Variants in NCOR1 observed in about 807,000 individuals in gnomAD.
NCOR1 encodes the protein nuclear receptor corepressor 1, also known as protein phosphatase 1, regulatory subunit 109.
In NCOR1, 63 loss-of-function variants were observed where a neutral mutation model predicts 288.1. That is an observed-to-expected ratio of 0.22 (90% CI 0.18 to 0.27). The LOEUF (loss-of-function observed/expected upper bound fraction) is 0.27. Ranked by LOEUF, NCOR1 falls within the 10% of genes least tolerant of loss-of-function variation. The pLI, the probability that NCOR1 is intolerant of heterozygous loss-of-function variation, is 1.00. For synonymous variants in NCOR1, 1,007 were observed against 1,065.9 expected, an observed-to-expected ratio of 0.94 and a Z score of 1.08; for missense variants, 2,397 against 3,019.2, an observed-to-expected ratio of 0.79 and a Z score of 4.83.
chr17:16,079,805 T>C (rs1401807236), intron 26 of NCOR1, among the ~76,000 whole-genome samples, 159 bp downstream of exon 26: 2 of 152,220 alleles, frequency 1.3e-5, no homozygotes, highest in Admixed American at 6.5e-5. Context: ...ATGATCACAT[T>C]AACGTCTCTG....
At chr17:16,117,066 C>T (rs1162534747) in intron 18 of NCOR1, among the ~76,000 whole-genome samples, 1 of 152,188 alleles carries the variant, frequency 6.6e-6, no homozygotes, top group African/African-American at 2.4e-5. Flanking sequence ...TCTTTGACAA[C>T]CACTACACTG....
chr17:16,075,780 C>T lies in NCOR1; in HGVS notation c.3502-78G>A, dbSNP rs527242099. On this transcript the variant is annotated intron_variant, in intron 26 of 45. Coordinates refer to ENST00000268712, the MANE Select transcript of NCOR1 (RefSeq NM_006311.4). ...ACACAAGATGCTCAGAAAATTTAAC[C>T]TATGACAGAGTCAGGCTAATCTATA... is the stretch of plus-strand genomic sequence containing the variant. 5.3e-6 allele frequency: 8 copies of T among 1,518,274 alleles called. No individual in the cohort carries two copies. The African/African-American group carries it at 6.9e-5, about 13-fold the overall frequency. 94.1% of individuals were successfully genotyped at this position (1,518,274 alleles called of 1,614,324 possible). A position where few individuals can be genotyped will look rare whatever the true frequency, so the allele number is the denominator to read the frequency against.
chr17:16,205,859 C>A (rs965602748), intron 1 of NCOR1, among the ~76,000 whole-genome samples: 1 of 151,028 alleles, frequency 6.6e-6, no homozygotes, highest in African/African-American at 2.4e-5. Flanking sequence ...ATCGCTTGAA[C>A]CCAGGAGGCA....
chr17:16,161,079 G>A (rs2080750154), intron 5 of NCOR1, among the ~76,000 whole-genome samples: 1 of 152,022 alleles, frequency 6.6e-6, no homozygotes. Flanking sequence ...TTATGGTAAA[G>A]GGTTCTTCAA....
chr17:16,058,175 CCAAA>C (rs1424960640), intron 38 of NCOR1, 111 bp from the exon 39 acceptor site: 3 of 1,212,274 alleles, frequency 2.5e-6, no homozygotes, highest in Admixed American at 2.3e-5. Flanking sequence ...GTACATAGCT[CCAAA>C]CAAAGAACTT....
intron 19 of NCOR1, among the ~76,000 whole-genome samples, chr17:16,102,561 A>C (rs1338053716): frequency 6.6e-6 from 1 of 152,042 alleles, no homozygotes; most frequent in African/African-American, 2.4e-5. Context: ...CTAAATCTTC[A>C]AAATCTGGTG....
intron 14 of NCOR1, among the ~76,000 whole-genome samples, chr17:16,127,273 GTATA>G (rs1254799479): frequency 1.0e-5 from 1 of 98,682 alleles, no homozygotes; most frequent in Non-Finnish European, 2.2e-5. Flanking sequence ...ATATATGTAT[GTATA>G]TATACGTGTA....
At chr17:16,083,583 GT>G (rs74372157) in intron 23 of NCOR1, among the ~76,000 whole-genome samples, 2,353 of 133,800 alleles carry the variant, frequency 0.018, 38 homozygotes, top group African/African-American at 0.048. Flanking sequence ...GTGGTTCATG[GT>G]TTTTTTTTTT....
At position 16,126,097 on chromosome 17, in the gene NCOR1, T is replaced by A; in HGVS notation, c.1619A>T (p.Glu540Val). The change falls in exon 15 of 46, where the codon GAA becomes GTA. Residue 540 changes from glutamate to valine, a missense_variant. This residue lies in a region of NCOR1 where 113 missense variants were observed against 139.5 expected (regional missense o/e 0.81). Coordinates refer to ENST00000268712, the MANE Select transcript of NCOR1 (RefSeq NM_006311.4). Reference protein sequence around the residue: ...EEKKDEEEKDEKEDSKENTKE... With the variant: ...EEKKDEEEKDVKEDSKENTKE... ...TTTAACTCACTTGGAGTCTTCTTTTTCATCTTTTTCCTCTTCATCTTTCTT... is the reference window on the plus strand; with the variant it reads ...TTTAACTCACTTGGAGTCTTCTTTTACATCTTTTTCCTCTTCATCTTTCTT... 1 of 1,362,018 alleles carries A rather than the reference T, an allele frequency of 7.3e-7. No individual in the cohort carries two copies. Among genetic ancestry groups the A allele is most frequent in the Non-Finnish European group, 1.0e-6 (1 of 996,974 alleles). 84.4% of individuals were successfully genotyped at this position (1,362,018 alleles called of 1,614,324 possible).
intron 22 of NCOR1, among the ~76,000 whole-genome samples, chr17:16,088,899 AGACGATGGTACTTTTTCCTTCTTT>A (rs1185935574): frequency 3.3e-5 from 5 of 152,176 alleles, no homozygotes; most frequent in Non-Finnish European, 7.4e-5. Context: ...GTATCCATCA[AGACGATGGTACTTTTTCCTTCTTT>A]GACATATTAA....
At chr17:16,085,496 G>A (rs914499150) in intron 23 of NCOR1, among the ~76,000 whole-genome samples, 13 of 152,124 alleles carry the variant, frequency 8.5e-5, no homozygotes, top group African/African-American at 2.9e-4. Context: ...ACAGGAGAAT[G>A]GATAAACAAA....
intron 30 of NCOR1, among the ~76,000 whole-genome samples, chr17:16,071,046 T>C (rs1036767227): frequency 1.3e-5 from 2 of 152,064 alleles, no homozygotes; most frequent in African/African-American, 4.8e-5. Context: ...TTTGGGATGC[T>C]GAGATGGGCA....
chr17:16,195,754 T>C (rs2089638786), intron 1 of NCOR1, among the ~76,000 whole-genome samples: 1 of 152,202 alleles, frequency 6.6e-6, no homozygotes, highest in Admixed American at 6.6e-5. Context: ...CAGAGAATTC[T>C]GGATGAGAAC....
chr17:16,037,337 A>T (rs960929153), intron 44 of NCOR1, among the ~76,000 whole-genome samples: 2 of 152,218 alleles, frequency 1.3e-5, no homozygotes, highest in Admixed American at 1.3e-4. Flanking sequence ...ACACAGACAC[A>T]AAGGAGAGCC....
chr17:16,096,201 C>G (rs1230493031), intron 21 of NCOR1, among the ~76,000 whole-genome samples: 1 of 152,104 alleles, frequency 6.6e-6, no homozygotes, highest in African/African-American at 2.4e-5. Flanking sequence ...CTAGGAAAAC[C>G]AGAGACCTTT....
In NCOR1 at chr17:16,064,164, C is replaced by G. The variant is rs747277626; in HGVS notation, c.5125G>C (p.Ala1709Pro). The G allele has an allele frequency of 5.6e-6, 9 of 1,614,058 alleles. No homozygotes were observed. Among genetic ancestry groups the G allele is most frequent in the Non-Finnish European group, 7.6e-6 (9 of 1,179,954 alleles). ...SPGHPTHLAA[A>P]ASAERERERE... is the part of the protein sequence containing the mutation. ...TCCCGTTCCCTCTCAGCACTTGCAG[C>G]AGCTGCAAGGTGTGTTGGGTGTCCT... The change falls in exon 35 of 46, where the codon GCT (alanine) becomes CCT (proline). Residue 1709 changes from alanine to proline, a missense_variant. By Grantham distance (27) the Ala-to-Pro change is conservative. Around this residue, in one of 11 missense-constraint regions of NCOR1, gnomAD observed 1,872 missense variants for 2,187.8 expected, o/e 0.86. Transcript: ENST00000268712.
At chr17:16,049,748 G>A (rs796088092) in intron 40 of NCOR1, among the ~76,000 whole-genome samples, 10 of 151,958 alleles carry the variant, frequency 6.6e-5, no homozygotes, top group African/African-American at 1.9e-4. Flanking sequence ...ACCATACCCC[G>A]GCTAATTTTT....
intron 40 of NCOR1, among the ~76,000 whole-genome samples, chr17:16,050,902 C>T (rs2059233467): frequency 6.6e-6 from 1 of 152,020 alleles, no homozygotes; most frequent in Non-Finnish European, 1.5e-5. Flanking sequence ...AGTACAATCA[C>T]TGCTTACTGC....
chr17:16,133,200 C>T (rs1257201291), intron 14 of NCOR1, among the ~76,000 whole-genome samples: 1 of 152,176 alleles, frequency 6.6e-6, no homozygotes, highest in Non-Finnish European at 1.5e-5. Flanking sequence ...AATTCCTGAC[C>T]TCAAGTGATC....
Sources: gnomAD v4.1 joint callset for allele counts (sites outside exome capture counted in the v4.1 genomes callset) on GRCh38, gnomAD v4.1.1 for gene constraint, gnomAD v4.1.1 regional missense constraint, MANE v1.5 for transcripts, NCBI Gene and HGNC (gene_info 2026-07-23, HGNC 2026-07-21) for gene names.